Variants in ARPP21 observed in about 807,000 individuals in gnomAD.
ARPP21 encodes the protein cAMP regulated phosphoprotein 21, also known as cAMP-regulated phosphoprotein 21.
In ARPP21, 69 loss-of-function variants were observed where a neutral mutation model predicts 113.2. That is an observed-to-expected ratio of 0.61 (90% confidence interval 0.50 to 0.74). ARPP21 has a LOEUF of 0.74. ARPP21 is among the 30% of genes least tolerant of loss of function. The pLI is 0.00. For synonymous variants in ARPP21, 368 were observed against 375.5 expected (o/e 0.98, Z 0.23); for missense variants, 1,070 against 1,037.4 (o/e 1.03, Z -0.43).
At chr3:35,696,665 C>G (rs911655382) in intron 9 of ARPP21, among the ~76,000 whole-genome samples, 1 of 151,410 alleles carries the variant, frequency 6.6e-6, no homozygotes, top group African/African-American at 2.4e-5. Context: ...GAATGAGACC[C>G]TTGCCAGGGT....
At position 35,717,215 on chromosome 3, in the gene ARPP21, T is replaced by C. The variant is rs968349430; in HGVS notation, c.936-83T>C. ...CTTTGTATGGGATTGATTTGTGCTG[T>C]AGTAGAGTACACATCCATGTAAACA... is the stretch of plus-strand genomic sequence containing the variant. On this transcript the variant is annotated intron_variant, in intron 12 of 20. Coordinates refer to ENST00000684406, the MANE Select transcript of ARPP21 (RefSeq NM_001385562.1). 1.2e-4 allele frequency: 90 copies of C among 768,660 alleles called. No individual in the cohort carries two copies. In the Admixed American group the frequency reaches 1.7e-3, roughly 15 times the overall value. 47.6% of individuals were successfully genotyped at this position (768,660 alleles called of 1,614,324 possible).
At chr3:35,720,547 T>C (rs1190399651) in intron 13 of ARPP21, among the ~76,000 whole-genome samples, 1 of 152,148 alleles carries the variant, frequency 6.6e-6, no homozygotes, top group African/African-American at 2.4e-5. Context: ...TTAATATGAG[T>C]TAGGTGTTAT....
chr3:35,711,367 AG>A (rs1196367385), intron 11 of ARPP21, among the ~76,000 whole-genome samples: 1 of 152,172 alleles, frequency 6.6e-6, no homozygotes, highest in East Asian at 1.9e-4. Flanking sequence ...TATTCTTACA[AG>A]TTTCCATAAC....
At chr3:35,763,578 C>T (rs928390961) in intron 19 of ARPP21, among the ~76,000 whole-genome samples, 1 of 152,092 alleles carries the variant, frequency 6.6e-6, no homozygotes, top group African/African-American at 2.4e-5. Context: ...CCACATGGAG[C>T]TTGGACGGTC....
intron 1 of ARPP21, among the ~76,000 whole-genome samples, chr3:35,679,322 C>A (rs2078279032): frequency 6.6e-6 from 1 of 151,794 alleles, no homozygotes; most frequent in Non-Finnish European, 1.5e-5. Context: ...TTTCTGTACA[C>A]TTTATTCAGG....
At chr3:35,709,160 T>C (rs950672844) in intron 11 of ARPP21, 90 bp downstream of exon 11, 2 of 867,174 alleles carry the variant, frequency 2.3e-6, no homozygotes, top group African/African-American at 3.4e-5. Flanking sequence ...TGGCAGGGAA[T>C]AAAAAGGCTG....
In ARPP21 at chr3:35,681,929, C is replaced by T. The variant is rs751605432; in HGVS notation, c.129+49C>T. The T allele has an allele frequency of 4.5e-6, 7 of 1,564,040 alleles. No homozygotes were observed. In the African/African-American group the frequency reaches 9.6e-5, roughly 22 times the overall value. On this transcript the variant is annotated intron_variant, in intron 3 of 20. Transcript: ENST00000684406. ...GACTCTCATACAACTGTGTGCAGCT[C>T]CCTTCTTTTATTTTCAGAATACTTT...
chr3:35,667,915 AG>A lies in ARPP21; in HGVS notation c.-212-11870del, dbSNP rs2074979227. Among the ~76,000 whole-genome samples, 5 of 14,410 alleles carry A rather than the reference AG, an allele frequency of 3.5e-4. 1 individual carries two copies. Among genetic ancestry groups the A allele is most frequent in the Non-Finnish European group, 6.8e-4 (5 of 7,340 alleles). 9.5% of individuals were successfully genotyped at this position (14,410 alleles called of 152,430 possible). ...AGGAAGAGGAAGAGGAAGAGGAAGG[AG>A]GAGGAGGAGGAGGAGGAGAAGGAGA... On this transcript the variant is annotated intron_variant, in intron 1 of 20. Coordinates refer to ENST00000684406, the MANE Select transcript of ARPP21 (RefSeq NM_001385562.1).
rs887103058 is a variant in ARPP21 at position 35,684,506 on chromosome 3, T to G, written c.261+691T>G. 1.2e-5 allele frequency: 12 copies of G among 983,348 alleles called. No homozygotes were observed. The African/African-American group carries it at 1.4e-4, about 12-fold the overall frequency. The allele number at this position is 983,348 out of a possible 1,614,324, so 60.9% of individuals were successfully genotyped here. A position where few individuals can be genotyped will look rare whatever the true frequency, so the allele number is the denominator to read the frequency against. On this transcript the variant is annotated intron_variant, in intron 5 of 20. Coordinates refer to ENST00000684406, the MANE Select transcript of ARPP21 (RefSeq NM_001385562.1). ...GGAAACTTCACATCATACTTATTTT[T>G]GTTTGCCTTTCAGGCATCATATTAG...
chr3:35,699,080 A>C (rs541012675), intron 9 of ARPP21, among the ~76,000 whole-genome samples: 2 of 151,650 alleles, frequency 1.3e-5, no homozygotes, highest in South Asian at 4.1e-4. Context: ...AATTTTGATC[A>C]AGACTGTGTG....
At chr3:35,641,897 TA>T (rs1698210524) in intron 1 of ARPP21, among the ~76,000 whole-genome samples, 1 of 152,188 alleles carries the variant, frequency 6.6e-6, no homozygotes, top group Non-Finnish European at 1.5e-5. Flanking sequence ...TGATTTTGTT[TA>T]AATGAAATGT....
chr3:35,714,045 A>T (rs2150140279), intron 11 of ARPP21, among the ~76,000 whole-genome samples: 1 of 152,366 alleles, frequency 6.6e-6, no homozygotes, highest in African/African-American at 2.4e-5. Context: ...AGAGCCCTTC[A>T]TAGGCATATC....
At chr3:35,773,193 C>T (rs2096259263) in intron 19 of ARPP21, among the ~76,000 whole-genome samples, 1 of 152,074 alleles carries the variant, frequency 6.6e-6, no homozygotes, top group African/African-American at 2.4e-5. Flanking sequence ...AAGTGAATTT[C>T]AACTTCAAAT....
At position 35,689,206 on chromosome 3, in the gene ARPP21, A is replaced by G. The variant is rs918995893; in HGVS notation, c.407-101A>G. ...TTTTTATACCAACAGCTTCACCTAA[A>G]ATTTATCTGAGCAGGGGGAAACAGG... On this transcript the variant is annotated intron_variant, in intron 6 of 20. Coordinates refer to ENST00000684406, the MANE Select transcript of ARPP21 (RefSeq NM_001385562.1). The G allele has an allele frequency of 1.3e-5, 9 of 704,594 alleles. No homozygotes were observed. The African/African-American group carries it at 1.5e-4, about 11-fold the overall frequency. 43.6% of individuals were successfully genotyped at this position (704,594 alleles called of 1,614,324 possible). A position where few individuals can be genotyped will look rare whatever the true frequency, so the allele number is the denominator to read the frequency against.
At chr3:35,713,512 A>G (rs1270558680) in intron 11 of ARPP21, among the ~76,000 whole-genome samples, 2 of 151,782 alleles carry the variant, frequency 1.3e-5, no homozygotes, top group Non-Finnish European at 2.9e-5. Flanking sequence ...TCTCCCACCT[A>G]CTCTACCAAT....
intron 5 of ARPP21, chr3:35,684,544 A>G (rs2079978431): frequency 8.1e-6 from 8 of 985,506 alleles, no homozygotes; most frequent in African/African-American, 1.7e-5. Context: ...TTTATAAAAA[A>G]TGGTCTTGCT....
Position 35,679,315 on chromosome 3 carries a change from C to G in ARPP21, c.-212-472C>G, listed in dbSNP as rs564107301. Among the ~76,000 whole-genome samples, 124 of 151,956 alleles carry G rather than the reference C, an allele frequency of 8.2e-4. 1 individual carries two copies. Among genetic ancestry groups the G allele is most frequent in the African/African-American group, 2.1e-3 (88 of 41,500 alleles). On this transcript the variant is annotated intron_variant, in intron 1 of 20. Transcript: ENST00000684406. The stretch of plus-strand genomic sequence containing the variant: ...AATGTTTCATTAAATCAAAACCTTT[C>G]TGTACACTTTATTCAGGTAGCTTTC...
intron 1 of ARPP21, among the ~76,000 whole-genome samples, chr3:35,661,276 A>T (rs1413544737): frequency 6.6e-6 from 1 of 152,210 alleles, no homozygotes; most frequent in Admixed American, 6.5e-5. Context: ...TCATTGTCAT[A>T]GTATGAAAAT....
intron 1 of ARPP21, among the ~76,000 whole-genome samples, chr3:35,674,790 A>G: frequency 6.6e-6 from 1 of 152,026 alleles, no homozygotes; most frequent in East Asian, 2.0e-4. Flanking sequence ...AGAAAGAGAC[A>G]CACATGCCAT....
Sources: gnomAD v4.1 joint callset for allele counts (sites outside exome capture counted in the v4.1 genomes callset) on GRCh38, gnomAD v4.1.1 for gene constraint, MANE v1.5 for transcripts, NCBI Gene and HGNC (gene_info 2026-07-23, HGNC 2026-07-21) for gene names.